The following MAP3K7 variants were observed in gnomAD, a reference collection of about 807,000 sequenced individuals.
The protein encoded by MAP3K7 is mitogen-activated protein kinase kinase kinase 7.
MAP3K7 carries 21 observed loss-of-function variants against 84.8 expected under a neutral mutation model. The ratio of observed to expected loss-of-function variants is 0.25; its 90% CI spans 0.18 to 0.36. The LOEUF (loss-of-function observed/expected upper bound fraction) is 0.36. Ranked by LOEUF, MAP3K7 falls within the 10% of genes least tolerant of loss-of-function variation. MAP3K7 has a pLI of 1.00. For synonymous variants in MAP3K7, 241 were observed against 247.7 expected, an observed-to-expected ratio of 0.97 and a Z score of 0.25; for missense variants, 503 against 747.7, an observed-to-expected ratio of 0.67 and a Z score of 3.82.
At chr6:90,584,439 T>C (rs1460257296) in intron 1 of MAP3K7, among the ~76,000 whole-genome samples, 4 of 152,104 alleles carry the variant, frequency 2.6e-5, no homozygotes, top group Admixed American at 2.6e-4. Context: ...GACTGCCTGA[T>C]ATTAGAAACA....
chr6:90,559,413 CTA>C (rs1776436151), intron 5 of MAP3K7, among the ~76,000 whole-genome samples: 3 of 151,470 alleles, frequency 2.0e-5, no homozygotes, highest in African/African-American at 7.3e-5. Flanking sequence ...TACGTGGAGA[CTA>C]TTTTTACTGT....
intron 1 of MAP3K7, 67 bp downstream of exon 1, chr6:90,586,697 C>A: frequency 6.5e-7 from 1 of 1,533,580 alleles, no homozygotes; most frequent in Non-Finnish European, 8.8e-7. Context: ...ACCTTCAGAG[C>A]CGGCACCAGG....
chr6:90,526,720 G>A (rs1233364470), intron 13 of MAP3K7, among the ~76,000 whole-genome samples: 1 of 151,686 alleles, frequency 6.6e-6, no homozygotes, highest in East Asian at 1.9e-4. Flanking sequence ...CTATAAAAAT[G>A]AACACATTCT....
chr6:90,520,674 ACTTACC>A (rs36211131), intron 14 of MAP3K7, among the ~76,000 whole-genome samples: 4,204 of 152,184 alleles, frequency 0.028, 73 homozygotes, highest in Middle Eastern at 0.044. Flanking sequence ...GACTTAAGGC[ACTTACC>A]CTTACCCTTA....
At position 90,515,112 on chromosome 6, in the gene MAP3K7, A is replaced by T. The variant is rs1425624842; in HGVS notation, c.*1389T>A. 6.6e-6 allele frequency: 1 copy of T among 152,056 alleles called. No individual in the cohort carries two copies. Among genetic ancestry groups the T allele is most frequent in the Admixed American group, 6.6e-5 (1 of 15,232 alleles). The allele number at this position is 152,056 out of a possible 1,614,324, so 9.4% of individuals were successfully genotyped here. A position where few individuals can be genotyped will look rare whatever the true frequency, so the allele number is the denominator to read the frequency against. On this transcript the variant is annotated 3_prime_UTR_variant, in exon 17 of 17. Transcript: ENST00000369329. ...GCTTATCTGAAATAGAGCAAAAACT[A>T]CAATACAGTCATGATAGAATTCTAA... is the stretch of plus-strand genomic sequence containing the variant.
At chr6:90,540,664 A>C (rs919923670) in intron 12 of MAP3K7, among the ~76,000 whole-genome samples, 9 of 152,012 alleles carry the variant, frequency 5.9e-5, no homozygotes, top group Admixed American at 3.9e-4. Flanking sequence ...TTATAATTAC[A>C]GTTTATTTCC....
chr6:90,546,298 C>T (rs189000157), intron 11 of MAP3K7, among the ~76,000 whole-genome samples: 1 of 151,564 alleles, frequency 6.6e-6, no homozygotes, highest in African/African-American at 2.4e-5. Flanking sequence ...TAGAAAAAAA[C>T]CAAATAAGTG....
At position 90,551,867 on chromosome 6, in the gene MAP3K7, T is replaced by A. The variant is rs567432491; in HGVS notation, c.867+182A>T. 3 of 584,444 alleles carry A rather than the reference T, an allele frequency of 5.1e-6. No homozygotes were observed. In the South Asian group the frequency reaches 1.5e-4, roughly 29 times the overall value. The allele number at this position is 584,444 out of a possible 1,614,324, so 36.2% of individuals were successfully genotyped here. On this transcript the variant is annotated intron_variant, in intron 8 of 16. Transcript: ENST00000369329. ...AGCCATCTTTCCAGTGATAAAGAACTAGATTTTCCCTCTCGAAATGTTTCC... is the reference window on the plus strand; with the variant it reads ...AGCCATCTTTCCAGTGATAAAGAACAAGATTTTCCCTCTCGAAATGTTTCC...
rs1774875206 is a variant in MAP3K7, at chr6:90,513,803, T to C, written c.*2698A>G. On this transcript the variant is annotated 3_prime_UTR_variant, in exon 17 of 17. Transcript: ENST00000369329. ...AAAGTTTCACAGGGAAGACCTGTGA[T>C]CTCTGGCTACAGGAGCTGAAATTAG... The C allele has an allele frequency of 6.6e-6, 1 of 152,032 alleles. No individual in the cohort carries two copies. The highest frequency in any genetic ancestry group is 6.6e-5 in the Admixed American group (1 of 15,230). 9.4% of individuals were successfully genotyped at this position (152,032 alleles called of 1,614,324 possible).
rs576601582 is a variant in MAP3K7, at chr6:90,585,074, T to G, written c.120+1690A>C. Among the ~76,000 whole-genome samples, 128 of 152,290 alleles carry G rather than the reference T, an allele frequency of 8.4e-4. 1 individual carries two copies. Among genetic ancestry groups the G allele is most frequent in the African/African-American group, 3.0e-3 (126 of 41,554 alleles). ...AATATGTGTCAGGCCCTGTGGTAGG[T>G]GTTTTGCATATAATGTCTACTAAGA... On this transcript the variant is annotated intron_variant, in intron 1 of 16. Transcript: ENST00000369329.
rs1036364707 is a variant in MAP3K7, at chr6:90,542,357, A to AG, written c.1291+2194dup. 26 of 983,892 alleles carry AG rather than the reference A, an allele frequency of 2.6e-5. No individual in the cohort carries two copies. In the African/African-American group the frequency reaches 4.5e-4, roughly 17 times the overall value. The allele number at this position is 983,892 out of a possible 1,614,324, so 60.9% of individuals were successfully genotyped here. A position where few individuals can be genotyped will look rare whatever the true frequency, so the allele number is the denominator to read the frequency against. On this transcript the variant is annotated intron_variant, in intron 12 of 16. Coordinates refer to ENST00000369329, the MANE Select transcript of MAP3K7 (RefSeq NM_145331.3). Reference sequence around the variant, plus strand: ...TGAGTAAGTTAATGTTTGATATCTGAGGGGGGAAAAGCCTAAAAAGAATAT... The same window carrying AG: ...TGAGTAAGTTAATGTTTGATATCTGAGGGGGGGAAAAGCCTAAAAAGAATAT...
intron 3 of MAP3K7, among the ~76,000 whole-genome samples, chr6:90,565,224 G>A (rs1034513168): frequency 3.9e-4 from 60 of 152,030 alleles, no homozygotes; most frequent in African/African-American, 1.4e-3. Context: ...AGAACTGAAG[G>A]AGACAGAGAC....
At chr6:90,552,954 T>G (rs568200074) in intron 7 of MAP3K7, among the ~76,000 whole-genome samples, 1 of 152,324 alleles carries the variant, frequency 6.6e-6, no homozygotes, top group African/African-American at 2.4e-5. Context: ...TTTCCTAATC[T>G]GTAAAATGAG....
intron 5 of MAP3K7, among the ~76,000 whole-genome samples, chr6:90,557,139 A>C (rs1776361803): frequency 6.6e-6 from 1 of 152,196 alleles, no homozygotes; most frequent in Admixed American, 6.5e-5. Flanking sequence ...TAGACTATGA[A>C]TGTGTGGGAG....
intron 7 of MAP3K7, 43 bp from the exon 8 acceptor site, chr6:90,552,222 C>T (rs1776200854): frequency 6.4e-7 from 1 of 1,558,324 alleles, no homozygotes; most frequent in African/African-American, 1.3e-5. Flanking sequence ...ATGTATTTAC[C>T]CAAAGAATGA....
rs144504330 is a variant in MAP3K7 at position 90,584,205 on chromosome 6, T to A, written c.120+2559A>T. 5.7e-3 allele frequency among the ~76,000 whole-genome samples: 874 copies of A among 152,340 alleles called. 8 individuals carry two copies. Among genetic ancestry groups the A allele is most frequent in the African/African-American group, 0.02 (840 of 41,580 alleles). ...TTGTTTCTGGTCATCTTCCTCTGTT[T>A]ATCTTACAATTGAACTGGAAGTGTA... On this transcript the variant is annotated intron_variant, in intron 1 of 16. Coordinates refer to ENST00000369329, the MANE Select transcript of MAP3K7 (RefSeq NM_145331.3).
chr6:90,556,682 A>G (rs1188045534), intron 5 of MAP3K7, 58 bp from the exon 6 acceptor site: 1 of 1,503,346 alleles, frequency 6.7e-7, no homozygotes. Flanking sequence ...TTATTCTACA[A>G]TAAAAGAAGA....
intron 13 of MAP3K7, among the ~76,000 whole-genome samples, chr6:90,529,336 T>C (rs1466476898): frequency 6.6e-6 from 1 of 151,102 alleles, no homozygotes; most frequent in Non-Finnish European, 1.5e-5. Flanking sequence ...ACTGGTGTTT[T>C]TGTAGTTGAA....
chr6:90,555,266 T>G (rs1056720250), intron 6 of MAP3K7, among the ~76,000 whole-genome samples: 2 of 152,288 alleles, frequency 1.3e-5, no homozygotes, highest in East Asian at 3.9e-4. Context: ...GCATTCTTTT[T>G]TTTTTTTGAG....
Sources: allele counts gnomAD v4.1 joint callset (sites outside exome capture counted in the v4.1 genomes callset), GRCh38; gene constraint gnomAD v4.1.1; transcripts MANE v1.5; gene names NCBI Gene and HGNC (gene_info 2026-07-23, HGNC 2026-07-21).